USP15: variants seen among roughly 807,000 people sequenced by gnomAD.
The protein encoded by USP15 is ubiquitin specific peptidase 15, also known as ubiquitin carboxyl-terminal hydrolase 15.
In USP15, 18 loss-of-function variants were observed where a neutral mutation model predicts 127.1. The ratio of observed to expected loss-of-function variants is 0.14; its 90% CI spans 0.10 to 0.21. The LOEUF (loss-of-function observed/expected upper bound fraction) is 0.21. USP15 is among the 10% of genes least tolerant of loss of function. The pLI is 1.00. For missense variants in USP15, 805 were observed against 1,159.9 expected (o/e 0.69, Z 4.44); for synonymous variants, 364 against 393.7 (o/e 0.92, Z 0.89).
At chr12:62,272,512 AT>A (rs2063366422) in intron 1 of USP15, among the ~76,000 whole-genome samples, 1 of 152,022 alleles carries the variant, frequency 6.6e-6, no homozygotes. Flanking sequence ...TGCTGTTGGA[AT>A]TTCCACATAT....
At chr12:62,263,726 A>G (rs1472477183) in intron 1 of USP15, among the ~76,000 whole-genome samples, 2 of 152,138 alleles carry the variant, frequency 1.3e-5, no homozygotes, top group Non-Finnish European at 2.9e-5. Context: ...TCAAAATGAT[A>G]TTTGTTGATC....
chr12:62,393,672 CTCCACCTCCT>C, intron 19 of USP15: 1 of 152,634 alleles, frequency 6.6e-6, no homozygotes, highest in East Asian at 1.9e-4. Context: ...TCACTGCAAC[CTCCACCTCCT>C]GGATTCAGGT....
At chr12:62,294,760 AT>A (rs1438166806) in intron 2 of USP15, 6 of 156,734 alleles carry the variant, frequency 3.8e-5, no homozygotes, top group African/African-American at 1.4e-4. Context: ...AAGTTCTTAA[AT>A]TTTTGCATTA....
chr12:62,307,872 AATC>A, intron 3 of USP15, among the ~76,000 whole-genome samples: 1 of 152,252 alleles, frequency 6.6e-6, no homozygotes, highest in African/African-American at 2.4e-5. Context: ...GTAGACATTT[AATC>A]ATCTCATATC....
At chr12:62,308,290 G>T (rs1237639031) in intron 3 of USP15, among the ~76,000 whole-genome samples, 1 of 151,998 alleles carries the variant, frequency 6.6e-6, no homozygotes, top group Non-Finnish European at 1.5e-5. Context: ...ATCATTGGGG[G>T]CCAGGGGGTA....
At chr12:62,310,121 A>C (rs1160819591) in intron 3 of USP15, among the ~76,000 whole-genome samples, 3 of 152,004 alleles carry the variant, frequency 2.0e-5, no homozygotes, top group African/African-American at 7.2e-5. Context: ...TGCCTGATAT[A>C]AGGGCAGTAT....
At chr12:62,264,842 A>G (rs922919862) in intron 1 of USP15, among the ~76,000 whole-genome samples, 1 of 152,210 alleles carries the variant, frequency 6.6e-6, no homozygotes, top group Non-Finnish European at 1.5e-5. Context: ...TATTACTATT[A>G]CTTTTAAAAT....
chr12:62,288,283 T>C (rs370722052), intron 1 of USP15, among the ~76,000 whole-genome samples: 19 of 152,040 alleles, frequency 1.2e-4, no homozygotes, highest in African/African-American at 4.3e-4. Context: ...CATCAGTGTT[T>C]TGTAGTTTTC....
rs2067334836 is a variant in USP15, at chr12:62,391,830, G to A, written c.2248G>A (p.Ala750Thr). ...QLRLDERSFL[A>T]LDWDPDLKKR... ...TTCCACCTTAGAAAGATCTTTTCTT[G>A]CTTTGGATTGGGATCCTGATTTGAA... The change falls in exon 17 of 22, where the codon GCT becomes ACT. Residue 750 changes from alanine (A) to threonine (T), a missense_variant. This residue lies in a region of USP15 where 225 missense variants were observed against 239.5 expected (regional missense o/e 0.94). Coordinates refer to ENST00000280377, the MANE Select transcript of USP15 (RefSeq NM_001252078.2). 5.0e-6 allele frequency: 8 copies of A among 1,607,746 alleles called. No individual in the cohort carries two copies. The highest frequency in any genetic ancestry group is 5.1e-6 in the Non-Finnish European group (6 of 1,176,990).
intron 6 of USP15, among the ~76,000 whole-genome samples, chr12:62,343,031 C>G (rs1043504099): frequency 2.6e-5 from 4 of 152,322 alleles, no homozygotes; most frequent in Non-Finnish European, 2.9e-5. Flanking sequence ...TCCCTCCCCC[C>G]AGTGTCTCTG....
chr12:62,331,055 A>T (rs1446602687), intron 6 of USP15, among the ~76,000 whole-genome samples: 3 of 152,200 alleles, frequency 2.0e-5, no homozygotes, highest in Admixed American at 6.5e-5. Context: ...ATATTAAGAT[A>T]CAGAACAGTT....
chr12:62,302,054 A>G (rs73135290), intron 2 of USP15, among the ~76,000 whole-genome samples: 12,659 of 152,260 alleles, frequency 0.083, 615 homozygotes, highest in Middle Eastern at 0.16. Flanking sequence ...GAAATTTGAA[A>G]GTGGACTGTG....
chr12:62,380,498 GA>G (rs2066959897), intron 8 of USP15, among the ~76,000 whole-genome samples: 1 of 151,896 alleles, frequency 6.6e-6, no homozygotes, highest in Non-Finnish European at 1.5e-5. Context: ...AGCAAGCTTC[GA>G]AAAACTCTGA....
chr12:62,355,962 C>T (rs2066115375), intron 8 of USP15, among the ~76,000 whole-genome samples: 3 of 150,780 alleles, frequency 2.0e-5, no homozygotes, highest in African/African-American at 4.9e-5. Flanking sequence ...GAGATAACTA[C>T]TTTTCCCCTG....
chr12:62,278,101 GT>G (rs1380678949), intron 1 of USP15, among the ~76,000 whole-genome samples: 1 of 151,986 alleles, frequency 6.6e-6, no homozygotes, highest in Non-Finnish European at 1.5e-5. Context: ...TAATTAAAAA[GT>G]TTTTTTGCCG....
chr12:62,389,520 A>C lies in USP15; in HGVS notation c.1557+6A>C. On this transcript the variant is annotated splice_donor_region_variant and intron_variant, in intron 12 of 21. Transcript: ENST00000280377. Reference sequence around the variant, plus strand: ...CAGGAATACCTGCAGATAAGGTAAGATGTTTCTGGGGTTGAAGTATATAAG... The same window carrying C: ...CAGGAATACCTGCAGATAAGGTAAGCTGTTTCTGGGGTTGAAGTATATAAG... 6.2e-7 allele frequency: 1 copy of C among 1,613,490 alleles called. No homozygotes were observed. Among genetic ancestry groups the C allele is most frequent in the Non-Finnish European group, 8.5e-7 (1 of 1,179,782 alleles).
intron 20 of USP15, among the ~76,000 whole-genome samples, chr12:62,396,622 G>A (rs1283453178): frequency 9.2e-5 from 14 of 151,840 alleles, no homozygotes; most frequent in Admixed American, 9.2e-4. Flanking sequence ...GCCTAGTAGG[G>A]AATGTTGTCC....
At chr12:62,316,231 G>A (rs1156282846) in intron 4 of USP15, among the ~76,000 whole-genome samples, 1 of 149,952 alleles carries the variant, frequency 6.7e-6, no homozygotes, top group African/African-American at 2.5e-5. Flanking sequence ...GTTGCAGTGG[G>A]CCGAAACCGT....
At chr12:62,372,541 TA>T (rs886192371) in intron 8 of USP15, among the ~76,000 whole-genome samples, 21 of 151,814 alleles carry the variant, frequency 1.4e-4, no homozygotes, top group African/African-American at 4.8e-4. Flanking sequence ...CAATAAACTT[TA>T]AAAAAAAATT....
Sources: allele counts gnomAD v4.1 joint callset (sites outside exome capture counted in the v4.1 genomes callset), GRCh38; gene constraint gnomAD v4.1.1; regional missense constraint gnomAD v4.1.1; transcripts MANE v1.5; gene names NCBI Gene and HGNC (gene_info 2026-07-23, HGNC 2026-07-21).